GRID2: variants seen among roughly 807,000 people sequenced by gnomAD.
The protein encoded by GRID2 is glutamate ionotropic receptor delta type subunit 2.
Under a neutral mutation model 114.8 loss-of-function variants are expected in GRID2, and 33 were observed. The observed-to-expected ratio is 0.29, with a 90% CI of 0.22 to 0.38. The LOEUF (loss-of-function observed/expected upper bound fraction) is 0.38. Among genes scored for constraint, GRID2 ranks in the 10% least tolerant of loss-of-function variants. The pLI is 1.00. For synonymous variants in GRID2, 505 were observed against 449.9 expected, an observed-to-expected ratio of 1.12 and a Z score of -1.55; for missense variants, 1,184 against 1,257.7, an observed-to-expected ratio of 0.94 and a Z score of 0.89.
intron 1 of GRID2, among the ~76,000 whole-genome samples, chr4:92,313,078 GAT>G (rs1491269829): frequency 5.1e-5 from 6 of 116,884 alleles, no homozygotes; most frequent in Non-Finnish European, 1.1e-4. Flanking sequence ...AAGAAACTCT[GAT>G]ATGTGTGTGT....
chr4:93,405,197 T>G (rs1474832977), intron 9 of GRID2, among the ~76,000 whole-genome samples: 3 of 152,082 alleles, frequency 2.0e-5, no homozygotes, highest in Non-Finnish European at 4.4e-5. Flanking sequence ...CTTAGGTGAA[T>G]GGGGAAAATA....
intron 2 of GRID2, among the ~76,000 whole-genome samples, chr4:92,738,517 GTATT>G (rs1008038420): frequency 2.0e-5 from 3 of 152,000 alleles, no homozygotes; most frequent in Non-Finnish European, 4.4e-5. Context: ...TAGTCTGAAT[GTATT>G]TTCTAAGTTA....
chr4:92,488,184 T>C lies in GRID2; in HGVS notation c.89-101947T>C, dbSNP rs181636258. Among the ~76,000 whole-genome samples, 174 of 152,286 alleles carry C rather than the reference T, an allele frequency of 1.1e-3. 1 individual carries two copies. The highest frequency in any genetic ancestry group is 3.9e-3 in the African/African-American group (164 of 41,576). On this transcript the variant is annotated intron_variant, in intron 1 of 15. Coordinates refer to ENST00000282020, the MANE Select transcript of GRID2 (RefSeq NM_001510.4). ...AATCTAATACTCAATTCCTGTCAAATGTTTGGTTAAATTCTTACATTCATT... is the reference window on the plus strand; with the variant it reads ...AATCTAATACTCAATTCCTGTCAAACGTTTGGTTAAATTCTTACATTCATT...
intron 2 of GRID2, among the ~76,000 whole-genome samples, chr4:92,856,844 C>CT (rs1047457134): frequency 2.6e-5 from 4 of 152,212 alleles, no homozygotes; most frequent in Non-Finnish European, 5.9e-5. Context: ...AGATACCGAA[C>CT]TTTTTTTAAA....
chr4:93,204,543 G>T (rs182061119), intron 4 of GRID2, among the ~76,000 whole-genome samples: 222 of 152,196 alleles, frequency 1.5e-3, no homozygotes, highest in Middle Eastern at 0.014. Flanking sequence ...CTGACCCTAA[G>T]CAACAGAGGA....
intron 1 of GRID2, among the ~76,000 whole-genome samples, chr4:93,798,374 A>G (rs1265688589): frequency 1.3e-5 from 2 of 152,086 alleles, no homozygotes; most frequent in African/African-American, 4.8e-5. Context: ...TCAGCCTAGG[A>G]CAATAAGCAT....
intron 4 of GRID2, among the ~76,000 whole-genome samples, chr4:93,203,005 A>G (rs1463948467): frequency 7.2e-5 from 11 of 152,002 alleles, no homozygotes; most frequent in Non-Finnish European, 1.5e-5. Flanking sequence ...ATAATACACT[A>G]CTCATTTAAG....
chr4:92,504,600 T>C (rs945813681), intron 1 of GRID2, among the ~76,000 whole-genome samples: 3 of 152,078 alleles, frequency 2.0e-5, no homozygotes, highest in Non-Finnish European at 4.4e-5. Flanking sequence ...GTTGTTGAGA[T>C]AATTTTTATC....
chr4:92,968,563 C>T (rs1753301796), intron 2 of GRID2, among the ~76,000 whole-genome samples: 1 of 151,826 alleles, frequency 6.6e-6, no homozygotes, highest in African/African-American at 2.4e-5. Flanking sequence ...TCATGTTTCT[C>T]AGTATTTTTT....
chr4:93,021,739 A>C (rs1403150527), intron 2 of GRID2, among the ~76,000 whole-genome samples: 1 of 145,784 alleles, frequency 6.9e-6, no homozygotes, highest in African/African-American at 2.5e-5. Flanking sequence ...TATTATGAAT[A>C]TTATAATTAT....
intron 2 of GRID2, among the ~76,000 whole-genome samples, chr4:92,784,289 A>C (rs143220166): frequency 2.0e-5 from 3 of 151,964 alleles, no homozygotes; most frequent in African/African-American, 7.2e-5. Flanking sequence ...TTTTTAATGC[A>C]TGTCCATTTT....
At chr4:92,706,202 G>T (rs933071612) in intron 2 of GRID2, among the ~76,000 whole-genome samples, 1 of 152,110 alleles carries the variant, frequency 6.6e-6, no homozygotes, top group Non-Finnish European at 1.5e-5. Context: ...TCAAAGCTAC[G>T]TATGCACTTG....
chr4:92,903,775 A>T (rs2149483211), intron 2 of GRID2, among the ~76,000 whole-genome samples: 1 of 152,072 alleles, frequency 6.6e-6, no homozygotes, highest in South Asian at 2.1e-4. Flanking sequence ...TTACACAGAA[A>T]CAAGTAGTTG....
At chr4:92,511,130 A>G (rs1219909599) in intron 1 of GRID2, among the ~76,000 whole-genome samples, 1 of 151,888 alleles carries the variant, frequency 6.6e-6, no homozygotes, top group African/African-American at 2.4e-5. Context: ...TAGGCTGTAC[A>G]GGAAGCATAA....
At chr4:93,517,116 A>G (rs1392977681) in intron 13 of GRID2, among the ~76,000 whole-genome samples, 1 of 152,066 alleles carries the variant, frequency 6.6e-6, no homozygotes, top group African/African-American at 2.4e-5. Context: ...TACCTCACAC[A>G]GTTTTTGTCA....
At chr4:92,633,949 CG>C (rs1161813959) in intron 2 of GRID2, among the ~76,000 whole-genome samples, 1 of 150,984 alleles carries the variant, frequency 6.6e-6, no homozygotes, top group East Asian at 2.0e-4. Context: ...GAGAGGAAAT[CG>C]GCAGAACTGA....
chr4:92,505,713 G>A (rs572659633), intron 1 of GRID2, among the ~76,000 whole-genome samples: 47 of 152,106 alleles, frequency 3.1e-4, no homozygotes, highest in Non-Finnish European at 5.6e-4. Flanking sequence ...TAGGGATAAA[G>A]TGGAAGACCC....
At chr4:93,366,555 T>G (rs916339754) in intron 8 of GRID2, among the ~76,000 whole-genome samples, 1 of 152,128 alleles carries the variant, frequency 6.6e-6, no homozygotes, top group African/African-American at 2.4e-5. Context: ...GGTCTTGTGA[T>G]CTTGCCCTGC....
intron 1 of GRID2, among the ~76,000 whole-genome samples, chr4:92,501,086 A>T (rs1286865042): frequency 6.6e-6 from 1 of 152,122 alleles, no homozygotes; most frequent in African/African-American, 2.4e-5. Context: ...TTCTTCTCTC[A>T]GGAGGGGTGT....
Sources: allele counts gnomAD v4.1 joint callset (sites outside exome capture counted in the v4.1 genomes callset), GRCh38; gene constraint gnomAD v4.1.1; transcripts MANE v1.5; gene names NCBI Gene and HGNC (gene_info 2026-07-23, HGNC 2026-07-21).